Variants in CDK14 observed in about 807,000 individuals in gnomAD.
CDK14 encodes cyclin dependent kinase 14.
CDK14 carries 34 observed loss-of-function variants against 60.7 expected under a neutral mutation model. That is an observed-to-expected ratio of 0.56 (90% CI 0.43 to 0.75). CDK14 has a LOEUF of 0.75. Ranked by LOEUF, CDK14 falls within the 30% of genes least tolerant of loss-of-function variation. The probability of loss-of-function intolerance (pLI) is 0.00; values close to 1 mark genes in which losing one functional copy is unlikely to be tolerated. For synonymous variants in CDK14, 197 were observed against 203.7 expected (o/e 0.97, Z 0.28); for missense variants, 482 against 564.1 (o/e 0.85, Z 1.47).
At chr7:90,813,157 G>GTATTTTGTTTGTTTGTTTC (rs1789206069) in intron 5 of CDK14, among the ~76,000 whole-genome samples, 1 of 152,102 alleles carries the variant, frequency 6.6e-6, no homozygotes, top group South Asian at 2.1e-4. Flanking sequence ...TATACCAAGC[G>GTATTTTGTTTGTTTGTTTC]TATTTTGTTT....
chr7:90,944,658 G>C (rs1252186600), intron 8 of CDK14, among the ~76,000 whole-genome samples: 1 of 152,224 alleles, frequency 6.6e-6, no homozygotes, highest in Non-Finnish European at 1.5e-5. Context: ...CTTGAGCCCA[G>C]GAGTGTGAGG....
At chr7:91,079,319 G>A in intron 11 of CDK14, 113 bp from the exon 12 acceptor site, 1 of 659,458 alleles carries the variant, frequency 1.5e-6, no homozygotes. Flanking sequence ...TTACTATGCT[G>A]GCCTAACTGA....
intron 2 of CDK14, among the ~76,000 whole-genome samples, chr7:90,663,066 C>T (rs1024744697): frequency 2.0e-5 from 3 of 151,180 alleles, no homozygotes; most frequent in African/African-American, 7.3e-5. Context: ...TGTCTACACA[C>T]ACTTTGGGGT....
intron 2 of CDK14, among the ~76,000 whole-genome samples, chr7:90,655,237 A>G (rs1327332989): frequency 6.6e-6 from 1 of 152,122 alleles, no homozygotes. Flanking sequence ...TTACCCATTG[A>G]TGTAACATAG....
intron 8 of CDK14, among the ~76,000 whole-genome samples, chr7:90,925,761 G>C (rs1793397900): frequency 6.6e-6 from 1 of 152,176 alleles, no homozygotes; most frequent in African/African-American, 2.4e-5. Context: ...TTGAAAGCGG[G>C]AGATGGTGTT....
chr7:90,778,913 C>T (rs1584883313), intron 4 of CDK14, among the ~76,000 whole-genome samples: 2 of 139,864 alleles, frequency 1.4e-5, no homozygotes, highest in South Asian at 4.5e-4. Context: ...TCTCTCTCCT[C>T]TCTCTTTTCT....
At chr7:90,866,348 G>A (rs1791187035) in intron 6 of CDK14, among the ~76,000 whole-genome samples, 1 of 151,600 alleles carries the variant, frequency 6.6e-6, no homozygotes, top group Non-Finnish European at 1.5e-5. Context: ...TAATGTTGCT[G>A]TATTTCAGAA....
chr7:90,687,152 A>G (rs1349087513), intron 2 of CDK14, among the ~76,000 whole-genome samples: 1 of 152,190 alleles, frequency 6.6e-6, no homozygotes, highest in African/African-American at 2.4e-5. Context: ...ATTCAAAAAA[A>G]GATCTCCCTA....
chr7:90,907,604 AAC>A (rs1430871529), intron 7 of CDK14, among the ~76,000 whole-genome samples: 2 of 152,104 alleles, frequency 1.3e-5, no homozygotes, highest in Admixed American at 6.6e-5. Context: ...TCCCTGCAAA[AAC>A]ACATTTGCCC....
chr7:90,790,654 T>C lies in CDK14; in HGVS notation c.544+2T>C. 1.2e-6 allele frequency: 2 copies of C among 1,607,784 alleles called. No individual in the cohort carries two copies. Among genetic ancestry groups the C allele is most frequent in the Non-Finnish European group, 1.7e-6 (2 of 1,175,080 alleles). ...CACCTTTCACAGCTATCAGGGAAGG[T>C]AGGCACTTTTCCTTGTTGATATTGC... On this transcript the variant is annotated splice_donor_variant, in intron 5 of 14. Coordinates refer to ENST00000380050, the MANE Select transcript of CDK14 (RefSeq NM_001287135.2). LOFTEE classifies it high-confidence loss of function.
At chr7:91,068,905 C>T (rs1246351361) in intron 11 of CDK14, among the ~76,000 whole-genome samples, 2 of 151,262 alleles carry the variant, frequency 1.3e-5, no homozygotes, top group African/African-American at 4.9e-5. Flanking sequence ...ACCTCTCTCT[C>T]CTGGGTTCTA....
chr7:90,882,739 A>AAACT (rs1190611439), intron 6 of CDK14, among the ~76,000 whole-genome samples: 1 of 152,048 alleles, frequency 6.6e-6, no homozygotes, highest in Non-Finnish European at 1.5e-5. Flanking sequence ...AAATCATAAC[A>AAACT]GTCTCTCAGA....
chr7:90,628,519 T>C (rs915080016), intron 2 of CDK14, among the ~76,000 whole-genome samples: 7 of 152,088 alleles, frequency 4.6e-5, no homozygotes, highest in Non-Finnish European at 8.8e-5. Context: ...CACCTGGGGA[T>C]CTTGTTAAGA....
In CDK14 at chr7:90,963,711, CTTTTTTT is replaced by C. The variant is rs34156393; in HGVS notation, c.947+7910_947+7916del. Among the ~76,000 whole-genome samples, 9 of 123,080 alleles carry C rather than the reference CTTTTTTT, an allele frequency of 7.3e-5. No homozygotes were observed. The East Asian group carries it at 9.1e-4, about 12-fold the overall frequency. 80.7% of individuals were successfully genotyped at this position (123,080 alleles called of 152,430 possible). A position where few individuals can be genotyped will look rare whatever the true frequency, so the allele number is the denominator to read the frequency against. On this transcript the variant is annotated intron_variant, in intron 9 of 14. Coordinates refer to ENST00000380050, the MANE Select transcript of CDK14 (RefSeq NM_001287135.2). ...TTTTTTTCTTTTTTCTTTTTCTTTTCTTTTTTTTTTTTTTTTTTTTTTGAGACGGAGT... is the reference window on the plus strand; with the variant it reads ...TTTTTTTCTTTTTTCTTTTTCTTTTCTTTTTTTTTTTTTTTGAGACGGAGT...
At chr7:90,854,353 A>G (rs1790749794) in intron 5 of CDK14, among the ~76,000 whole-genome samples, 1 of 152,084 alleles carries the variant, frequency 6.6e-6, no homozygotes, top group African/African-American at 2.4e-5. Context: ...ATCTCTACAA[A>G]TAACTAGAAA....
chr7:90,830,973 A>G (rs1789893726), intron 5 of CDK14, among the ~76,000 whole-genome samples: 1 of 152,200 alleles, frequency 6.6e-6, no homozygotes, highest in South Asian at 2.1e-4. Flanking sequence ...TATCACTATC[A>G]GCATTTTGGT....
At chr7:90,921,094 T>G (rs1793235704) in intron 8 of CDK14, among the ~76,000 whole-genome samples, 1 of 152,186 alleles carries the variant, frequency 6.6e-6, no homozygotes, top group African/African-American at 2.4e-5. Context: ...AATGATAAAA[T>G]TATATGGAGG....
intron 4 of CDK14, among the ~76,000 whole-genome samples, chr7:90,772,972 A>C (rs114741919): frequency 0.011 from 1,605 of 152,296 alleles, 33 homozygotes; most frequent in African/African-American, 0.037. Flanking sequence ...TATTGGTGAA[A>C]AATTTTTCTG....
intron 14 of CDK14, among the ~76,000 whole-genome samples, chr7:91,195,817 C>A (rs1265518668): frequency 6.6e-6 from 1 of 152,224 alleles, no homozygotes; most frequent in African/African-American, 2.4e-5. Context: ...AACACCTCCT[C>A]TCTGCATATA....
Sources: allele counts gnomAD v4.1 joint callset (sites outside exome capture counted in the v4.1 genomes callset), GRCh38; gene constraint gnomAD v4.1.1; transcripts MANE v1.5; gene names NCBI Gene and HGNC (gene_info 2026-07-23, HGNC 2026-07-21).